Variants in DLG2 observed in about 807,000 individuals in gnomAD.
DLG2 encodes discs large MAGUK scaffold protein 2.
Under a neutral mutation model 132.5 loss-of-function variants are expected in DLG2, and 45 were observed. The ratio of observed to expected loss-of-function variants is 0.34; its 90% CI spans 0.27 to 0.44. The LOEUF is 0.44. Ranked by LOEUF, DLG2 falls within the 20% of genes least tolerant of loss-of-function variation. The probability of loss-of-function intolerance (pLI) is 1.00; values close to 1 mark genes in which losing one functional copy is unlikely to be tolerated. For missense variants in DLG2, 1,045 were observed against 1,196.9 expected (o/e 0.87, Z 1.87); for synonymous variants, 424 against 419.6 (o/e 1.01, Z -0.13).
chr11:85,490,684 A>G (rs1486779456), intron 3 of DLG2, among the ~76,000 whole-genome samples: 1 of 152,090 alleles, frequency 6.6e-6, no homozygotes, highest in African/African-American at 2.4e-5. Context: ...CTCACAAACT[A>G]TATGCTCAAA....
rs117122688 is a variant in DLG2 at position 83,877,174 on chromosome 11, C to G, written c.1497-2686G>C. ...ACTAGTTTCCCCACAGTCTTAAAAG[C>G]ACTGACATTATAACTTTTAAAACAC... On this transcript the variant is annotated intron_variant, in intron 15 of 27. Transcript: ENST00000376104. Among the ~76,000 whole-genome samples, 1,135 of 152,212 alleles carry G rather than the reference C, an allele frequency of 7.5e-3. 12 individuals are homozygous for G. The highest frequency in any genetic ancestry group is 0.023 in the South Asian group (109 of 4,824).
intron 3 of DLG2, among the ~76,000 whole-genome samples, chr11:85,596,963 G>T (rs1002257812): frequency 2.0e-5 from 3 of 152,160 alleles, no homozygotes; most frequent in African/African-American, 4.8e-5. Flanking sequence ...GACTTTTAAC[G>T]ACCAGCTGAA....
chr11:85,544,218 G>A (rs1464244438), intron 3 of DLG2, among the ~76,000 whole-genome samples: 1 of 152,172 alleles, frequency 6.6e-6, no homozygotes, highest in Non-Finnish European at 1.5e-5. Flanking sequence ...TGGCTAGCCA[G>A]TTTTCCCAAG....
At chr11:85,238,230 T>C (rs1387464957) in intron 4 of DLG2, among the ~76,000 whole-genome samples, 3 of 146,206 alleles carry the variant, frequency 2.1e-5, no homozygotes, top group Non-Finnish European at 4.5e-5. Context: ...TATTTATTTA[T>C]TTATTTATTT....
chr11:84,181,977 AC>A (rs1437512383), intron 8 of DLG2, among the ~76,000 whole-genome samples: 4 of 149,600 alleles, frequency 2.7e-5, no homozygotes, highest in African/African-American at 9.7e-5. Flanking sequence ...CCTAGCAGGC[AC>A]AAAATCAGTA....
intron 14 of DLG2, 67 bp downstream of exon 14, chr11:83,962,818 T>A: frequency 6.3e-7 from 1 of 1,580,056 alleles, no homozygotes. Flanking sequence ...ACACCTGACA[T>A]GTTAGGCAAA....
intron 3 of DLG2, among the ~76,000 whole-genome samples, chr11:85,552,479 CA>C (rs200386997): frequency 1.4e-5 from 2 of 146,362 alleles, no homozygotes; most frequent in African/African-American, 5.0e-5. Context: ...AGCACCCTCC[CA>C]AAAAAAAAGT....
intron 3 of DLG2, among the ~76,000 whole-genome samples, chr11:85,404,387 A>T (rs1315250797): frequency 1.3e-5 from 2 of 151,992 alleles, no homozygotes; most frequent in African/African-American, 4.8e-5. Flanking sequence ...AACAAGAATT[A>T]ATTTATTCCA....
chr11:83,588,906 T>C (rs1219068161), intron 19 of DLG2, among the ~76,000 whole-genome samples: 2 of 150,204 alleles, frequency 1.3e-5, no homozygotes, highest in African/African-American at 2.5e-5. Context: ...GAAGATGAAA[T>C]GAATGAAATG....
rs540199731 is a variant in DLG2, at chr11:83,828,351, C to G, written c.1722+5263G>C. On this transcript the variant is annotated intron_variant, in intron 17 of 27. Transcript: ENST00000376104. ...GAGGTTGCAGTGAGCCGAGATCACG[C>G]CACTGTGCTCCAGCCTGTGCAACAC... is the stretch of plus-strand genomic sequence containing the variant. Among the ~76,000 whole-genome samples, 14 of 152,274 alleles carry G rather than the reference C, an allele frequency of 9.2e-5. No individual in the cohort carries two copies. The South Asian group carries it at 2.7e-3, about 29-fold the overall frequency.
chr11:85,087,888 G>T (rs2068198945), intron 6 of DLG2, among the ~76,000 whole-genome samples: 1 of 147,844 alleles, frequency 6.8e-6, no homozygotes, highest in South Asian at 2.2e-4. Flanking sequence ...GGAGGGATTT[G>T]AGGACACTGT....
intron 8 of DLG2, among the ~76,000 whole-genome samples, chr11:84,205,669 A>G (rs2096656223): frequency 6.6e-6 from 1 of 152,150 alleles, no homozygotes; most frequent in Non-Finnish European, 1.5e-5. Flanking sequence ...AGCATAATAG[A>G]TAACAAATTT....
At chr11:85,545,244 A>T (rs2076232861) in intron 3 of DLG2, among the ~76,000 whole-genome samples, 1 of 152,186 alleles carries the variant, frequency 6.6e-6, no homozygotes, top group African/African-American at 2.4e-5. Flanking sequence ...CTATTGAGAC[A>T]ATCATGTGAT....
intron 7 of DLG2, among the ~76,000 whole-genome samples, chr11:84,463,954 C>T (rs893549758): frequency 6.6e-6 from 1 of 151,220 alleles, no homozygotes; most frequent in Non-Finnish European, 1.5e-5. Context: ...CGGGCATAAA[C>T]TGAAGTTCAC....
chr11:85,415,700 G>C (rs1051496134), intron 3 of DLG2, among the ~76,000 whole-genome samples: 1 of 150,796 alleles, frequency 6.6e-6, no homozygotes, highest in South Asian at 2.1e-4. Context: ...ACTTTTTGTT[G>C]GGTTTTTTTC....
intron 12 of DLG2, among the ~76,000 whole-genome samples, chr11:83,971,266 C>G (rs2091279445): frequency 6.6e-6 from 1 of 151,974 alleles, no homozygotes; most frequent in Admixed American, 6.6e-5. Flanking sequence ...ATATGTGCAG[C>G]CTGGCTGTGT....
At chr11:84,650,865 G>T (rs868814607) in intron 6 of DLG2, among the ~76,000 whole-genome samples, 5 of 87,830 alleles carry the variant, frequency 5.7e-5, no homozygotes, top group Non-Finnish European at 1.2e-4. Flanking sequence ...GTGTGTGTGT[G>T]TGTGTGTGTA....
intron 17 of DLG2, among the ~76,000 whole-genome samples, chr11:83,802,333 G>A (rs886296616): frequency 1.3e-5 from 2 of 152,050 alleles, no homozygotes; most frequent in Non-Finnish European, 2.9e-5. Context: ...CTGCTTTGTG[G>A]CTTCTCAACT....
chr11:84,461,304 T>C (rs1354215525), intron 7 of DLG2, among the ~76,000 whole-genome samples: 1 of 150,832 alleles, frequency 6.6e-6, no homozygotes, highest in African/African-American at 2.4e-5. Flanking sequence ...TAAGATAAGA[T>C]GGCCAATGAA....
Sources: allele counts gnomAD v4.1 joint callset (sites outside exome capture counted in the v4.1 genomes callset), GRCh38; gene constraint gnomAD v4.1.1; transcripts MANE v1.5; gene names NCBI Gene and HGNC (gene_info 2026-07-23, HGNC 2026-07-21).